Variants in FMN2 observed in about 807,000 individuals in gnomAD.
The protein encoded by FMN2 is formin-2.
A neutral mutation model predicts 142.3 loss-of-function variants in FMN2; 51 were observed. The ratio of observed to expected loss-of-function variants is 0.36; its 90% CI spans 0.29 to 0.45. The LOEUF is 0.45. FMN2 is among the 20% of genes least tolerant of loss of function. FMN2 has a pLI of 1.00. For missense variants in FMN2, 1,936 were observed against 2,122.8 expected (o/e 0.91, Z 1.73); for synonymous variants, 882 against 869.8 (o/e 1.01, Z -0.25).
chr1:240,273,862 T>G (rs892316030), intron 7 of FMN2, among the ~76,000 whole-genome samples: 1 of 152,056 alleles, frequency 6.6e-6, no homozygotes, highest in Non-Finnish European at 1.5e-5. Flanking sequence ...AGTAGAGAGA[T>G]AAAGAGAATG....
intron 17 of FMN2, 148 bp downstream of exon 17, chr1:240,472,601 A>T (rs1676847540): frequency 9.2e-6 from 5 of 545,872 alleles, no homozygotes; most frequent in Middle Eastern, 5.0e-4. Context: ...CCTTTTTCTT[A>T]TGCCTTTAAT....
At chr1:240,381,982 G>T (rs555321008) in intron 14 of FMN2, among the ~76,000 whole-genome samples, 22 of 152,146 alleles carry the variant, frequency 1.4e-4, no homozygotes, top group African/African-American at 5.1e-4. Flanking sequence ...AAGCAATCAA[G>T]CAAGAAAAAG....
chr1:240,093,587 C>T lies in FMN2; in HGVS notation c.1478C>T (p.Thr493Met). 1 of 1,448,942 alleles carries T rather than the reference C, an allele frequency of 6.9e-7. No individual in the cohort carries two copies. Among genetic ancestry groups the T allele is most frequent in the Non-Finnish European group, 9.0e-7 (1 of 1,111,322 alleles). 89.8% of individuals were successfully genotyped at this position (1,448,942 alleles called of 1,614,324 possible). Residue 493 changes from threonine to methionine, a missense_variant, in exon 1 of 18, where the codon ACG (threonine) becomes ATG (methionine). Physicochemically the swap from Thr to Met is moderately conservative, Grantham distance 81. Around this residue, in one of 8 missense-constraint regions of FMN2, gnomAD observed 751 missense variants for 791.8 expected, o/e 0.95. Transcript: ENST00000319653. Reference sequence around the variant, plus strand: ...TGGACGGAGGAGCTAGGCGCCCGCACGCCCCGGGTGGGAGGCTCCGCGCAC... The same window carrying T: ...TGGACGGAGGAGCTAGGCGCCCGCATGCCCCGGGTGGGAGGCTCCGCGCAC... ...ADWTEELGAR[T>M]PRVGGSAHLL...
intron 1 of FMN2, among the ~76,000 whole-genome samples, chr1:240,112,819 C>A (rs954276484): frequency 6.6e-6 from 1 of 152,150 alleles, no homozygotes; most frequent in Non-Finnish European, 1.5e-5. Flanking sequence ...GAAGGCCTCC[C>A]TGGCTGACCC....
At chr1:240,204,197 A>C (rs1666238467) in intron 4 of FMN2, among the ~76,000 whole-genome samples, 1 of 152,132 alleles carries the variant, frequency 6.6e-6, no homozygotes, top group South Asian at 2.1e-4. Flanking sequence ...TTTCTAAATT[A>C]CTGGTTGTCT....
intron 4 of FMN2, among the ~76,000 whole-genome samples, chr1:240,188,564 G>C (rs1238262383): frequency 6.6e-6 from 1 of 152,144 alleles, no homozygotes; most frequent in Non-Finnish European, 1.5e-5. Flanking sequence ...GCCACTCCAG[G>C]GAGAAGTCTG....
chr1:240,380,685 A>T (rs1404695325), intron 14 of FMN2, among the ~76,000 whole-genome samples: 1 of 151,396 alleles, frequency 6.6e-6, no homozygotes, highest in Non-Finnish European at 1.5e-5. Flanking sequence ...GGAGCTAGAA[A>T]AGCATGAACA....
chr1:240,121,735 TAA>T (rs71168898), intron 1 of FMN2, among the ~76,000 whole-genome samples: 23 of 25,676 alleles, frequency 9.0e-4, no homozygotes, highest in South Asian at 3.0e-3. Context: ...AGGGAAATAG[TAA>T]AAAAAAAAAA....
intron 15 of FMN2, among the ~76,000 whole-genome samples, chr1:240,433,525 A>T (rs1675251267): frequency 6.6e-6 from 1 of 152,148 alleles, no homozygotes; most frequent in Non-Finnish European, 1.5e-5. Context: ...TTTTCTCTCA[A>T]CGCAGAGCTT....
intron 16 of FMN2, among the ~76,000 whole-genome samples, chr1:240,459,739 A>T (rs1310036911): frequency 1.7e-5 from 2 of 118,888 alleles, no homozygotes; most frequent in Non-Finnish European, 1.8e-5. Context: ...AAAAAAAAAA[A>T]AAAAAAAAAA....
intron 2 of FMN2, among the ~76,000 whole-genome samples, chr1:240,148,368 A>AGG (rs1663596721): frequency 1.1e-5 from 1 of 89,930 alleles, no homozygotes; most frequent in African/African-American, 4.9e-5. Flanking sequence ...AGACAGAGAC[A>AGG]GAGAGAGAGA....
chr1:240,292,114 C>T (rs1669814267), intron 7 of FMN2, among the ~76,000 whole-genome samples: 1 of 152,154 alleles, frequency 6.6e-6, no homozygotes, highest in African/African-American at 2.4e-5. Context: ...GTTTGTTCCA[C>T]ATCAGGAAAC....
At chr1:240,195,434 G>A (rs965369219) in intron 4 of FMN2, among the ~76,000 whole-genome samples, 1 of 152,216 alleles carries the variant, frequency 6.6e-6, no homozygotes, top group African/African-American at 2.4e-5. Context: ...GCTGTGATGT[G>A]CCTTGTGGCA....
intron 14 of FMN2, among the ~76,000 whole-genome samples, chr1:240,361,134 T>C (rs1672453162): frequency 5.5e-5 from 1 of 18,164 alleles, no homozygotes; most frequent in Non-Finnish European, 8.2e-5. Context: ...AATAAATAAA[T>C]ATATGTGTAT....
intron 8 of FMN2, among the ~76,000 whole-genome samples, chr1:240,299,547 C>T (rs936391685): frequency 1.3e-5 from 2 of 152,140 alleles, no homozygotes; most frequent in Non-Finnish European, 2.9e-5. Flanking sequence ...CAGCAATAAT[C>T]TGATCCCGTT....
chr1:240,252,952 A>AT (rs1572118578), intron 6 of FMN2, among the ~76,000 whole-genome samples: 2 of 33,880 alleles, frequency 5.9e-5, no homozygotes, highest in African/African-American at 1.9e-4. Context: ...AGTCTTGTTC[A>AT]CTTTTTTTTT....
chr1:240,227,171 T>C (rs905981228), intron 6 of FMN2, among the ~76,000 whole-genome samples: 1 of 152,198 alleles, frequency 6.6e-6, no homozygotes, highest in South Asian at 2.1e-4. Flanking sequence ...ATTATCATTG[T>C]GAAAATGTAA....
intron 15 of FMN2, among the ~76,000 whole-genome samples, chr1:240,407,457 C>T (rs1674249319): frequency 6.6e-6 from 1 of 152,062 alleles, no homozygotes; most frequent in South Asian, 2.1e-4. Flanking sequence ...ACTTTTCTTG[C>T]AAAGTTGTAA....
intron 2 of FMN2, 64 bp from the exon 3 acceptor site, chr1:240,177,857 G>A: frequency 7.1e-7 from 1 of 1,409,124 alleles, no homozygotes; most frequent in South Asian, 1.7e-5. Context: ...CAATGTATTA[G>A]TCATGGCTTA....
Sources: allele counts gnomAD v4.1 joint callset (sites outside exome capture counted in the v4.1 genomes callset), GRCh38; gene constraint gnomAD v4.1.1; regional missense constraint gnomAD v4.1.1; transcripts MANE v1.5; gene names NCBI Gene and HGNC (gene_info 2026-07-23, HGNC 2026-07-21).